OGDH: variants seen among roughly 807,000 people sequenced by gnomAD.
OGDH encodes oxoglutarate dehydrogenase.
A neutral mutation model predicts 116.6 loss-of-function variants in OGDH; 38 were observed. The observed-to-expected ratio is 0.33, with a 90% CI of 0.25 to 0.43. The LOEUF is 0.43. Ranked by LOEUF, OGDH falls within the 20% of genes least tolerant of loss-of-function variation. OGDH has a pLI of 1.00. For missense variants in OGDH, 825 were observed against 1,357.2 expected, an observed-to-expected ratio of 0.61 and a Z score of 6.16; for synonymous variants, 488 against 533.3, an observed-to-expected ratio of 0.92 and a Z score of 1.17.
At chr7:44,651,172 G>T (rs1786425087) in intron 4 of OGDH, among the ~76,000 whole-genome samples, 1 of 152,240 alleles carries the variant, frequency 6.6e-6, no homozygotes, top group Admixed American at 6.5e-5. Flanking sequence ...CACCTGGGTG[G>T]TTGGCCAGTT....
chr7:44,633,315 A>T (rs942233468), intron 2 of OGDH, among the ~76,000 whole-genome samples: 1 of 151,798 alleles, frequency 6.6e-6, no homozygotes, highest in Non-Finnish European at 1.5e-5. Flanking sequence ...AAAAGGAGCA[A>T]ATTGTTCCAG....
At position 44,708,493 on chromosome 7, in the gene OGDH, C is replaced by T. The variant is rs1281278405; in HGVS notation, c.*494C>T. The T allele has an allele frequency of 6.5e-6, 1 of 154,058 alleles. No individual in the cohort carries two copies. Among genetic ancestry groups the T allele is most frequent in the Non-Finnish European group, 1.4e-5 (1 of 69,444 alleles). 9.5% of individuals were successfully genotyped at this position (154,058 alleles called of 1,614,324 possible). ...GCTGGCAGAGGTTTCTAGGGTGGGC[C>T]CCAGCCGTGGCGTGAACTGAGGATG... is the stretch of plus-strand genomic sequence containing the variant. On this transcript the variant is annotated 3_prime_UTR_variant, in exon 23 of 23. Transcript: ENST00000222673.
At chr7:44,696,701 G>T in intron 14 of OGDH, 144 bp downstream of exon 14, 1 of 1,275,234 alleles carries the variant, frequency 7.8e-7, no homozygotes, top group East Asian at 2.5e-5. Flanking sequence ...TGGGGTGGTT[G>T]GATGGAGCCA....
In OGDH at chr7:44,673,949, T is replaced by TCTGGCCCTGGGC; in HGVS notation, c.788+10_788+21dup. The stretch of plus-strand genomic sequence containing the variant: ...GCTTGTGCGGTCCACCAGGTATGGG[T>TCTGGCCCTGGGC]CTGGCCCTGGGCCATGGGGCAGACA... On this transcript the variant is annotated intron_variant, in intron 6 of 22. Coordinates refer to ENST00000222673, the MANE Select transcript of OGDH (RefSeq NM_002541.4). 2 of 1,614,114 alleles carry TCTGGCCCTGGGC rather than the reference T, an allele frequency of 1.2e-6. No homozygotes were observed. The highest frequency in any genetic ancestry group is 8.5e-7 in the Non-Finnish European group (1 of 1,179,994).
At position 44,694,722 on chromosome 7, in the gene OGDH, T is replaced by C. The variant is rs1449224409; in HGVS notation, c.1668+146T>C. The C allele has an allele frequency of 1.1e-6, 1 of 917,926 alleles. No individual in the cohort carries two copies. The highest frequency in any genetic ancestry group is 1.7e-5 in the South Asian group (1 of 58,432). The allele number at this position is 917,926 out of a possible 1,614,324, so 56.9% of individuals were successfully genotyped here. On this transcript the variant is annotated intron_variant, in intron 12 of 22. Coordinates refer to ENST00000222673, the MANE Select transcript of OGDH (RefSeq NM_002541.4). This position sits in a 1 kb window ranked among gnomAD's most constrained non-coding sequence, Gnocchi z 4.2. ...AATATTTACAACTACAGCATTTCAA[T>C]GCATAACTTTTTGGAGAATCTGGGC...
rs571492446 is a variant in OGDH, at chr7:44,611,332, G to A, written c.-28+4679G>A. Among the ~76,000 whole-genome samples the A allele has an allele frequency of 2.0e-5, 3 of 152,102 alleles. No individual in the cohort carries two copies. In the East Asian group the frequency reaches 5.8e-4, roughly 29 times the overall value. ...CTGGAGTGCTGGAGTGCAGTGGCAC[G>A]ATCTCAGCTCACTGCAACCTCCGCC... On this transcript the variant is annotated intron_variant, in intron 1 of 22. Transcript: ENST00000222673.
intron 10 of OGDH, among the ~76,000 whole-genome samples, chr7:44,686,436 A>C (rs55989906): frequency 0.092 from 14,016 of 152,154 alleles, 1,313 homozygotes; most frequent in East Asian, 0.36. Context: ...GAAGTACATT[A>C]ATTTTCAAAT....
intron 2 of OGDH, among the ~76,000 whole-genome samples, chr7:44,634,873 G>T (rs373958632): frequency 2.0e-4 from 30 of 152,352 alleles, no homozygotes; most frequent in African/African-American, 7.2e-4. Context: ...CCAACAGCAT[G>T]AATCATTTGC....
At chr7:44,685,362 C>T (rs1040732785) in intron 10 of OGDH, among the ~76,000 whole-genome samples, 1 of 152,176 alleles carries the variant, frequency 6.6e-6, no homozygotes, top group African/African-American at 2.4e-5. Context: ...TAAATGGAAT[C>T]ATAGTATTTG....
At chr7:44,680,566 AC>A in intron 9 of OGDH, among the ~76,000 whole-genome samples, 1 of 152,204 alleles carries the variant, frequency 6.6e-6, no homozygotes, top group African/African-American at 2.4e-5. Context: ...ACACACACAC[AC>A]ACACACAGAA....
At chr7:44,618,471 C>T (rs1456297720) in intron 1 of OGDH, among the ~76,000 whole-genome samples, 1 of 152,168 alleles carries the variant, frequency 6.6e-6, no homozygotes, top group East Asian at 1.9e-4. Flanking sequence ...ATAGATTTGC[C>T]TATTCTGGAA....
rs374147941 is a variant in OGDH at position 44,704,859 on chromosome 7, C to T, written c.2633-2366C>T. On this transcript the variant is annotated intron_variant, in intron 20 of 22. Coordinates refer to ENST00000222673, the MANE Select transcript of OGDH (RefSeq NM_002541.4). ...CCAAGTAGCTGGGATTACAGGCGCACGCCACCATGCCTAGCTAATTTTTGT... is the reference window on the plus strand; with the variant it reads ...CCAAGTAGCTGGGATTACAGGCGCATGCCACCATGCCTAGCTAATTTTTGT... Among the ~76,000 whole-genome samples the T allele has an allele frequency of 1.6e-4, 24 of 151,096 alleles. No homozygotes were observed. In the East Asian group the frequency reaches 3.9e-3, roughly 25 times the overall value.
At chr7:44,618,092 T>C (rs931965157) in intron 1 of OGDH, among the ~76,000 whole-genome samples, 10 of 152,252 alleles carry the variant, frequency 6.6e-5, no homozygotes, top group Non-Finnish European at 1.2e-4. Context: ...CTTTGGTTTT[T>C]ACTTTTTTTC....
intron 4 of OGDH, among the ~76,000 whole-genome samples, chr7:44,666,162 G>C (rs1200961157): frequency 1.3e-5 from 2 of 152,162 alleles, no homozygotes; most frequent in Admixed American, 1.3e-4. Context: ...GCACGCTGCT[G>C]TGCTGCCCTG....
intron 10 of OGDH, among the ~76,000 whole-genome samples, chr7:44,684,307 T>C (rs541519918): frequency 1.3e-5 from 2 of 152,204 alleles, no homozygotes; most frequent in Admixed American, 1.3e-4. Flanking sequence ...TTTGTTATAG[T>C]TTAGAATTGA....
chr7:44,688,118 C>A (rs1268391020), intron 10 of OGDH, among the ~76,000 whole-genome samples: 1 of 152,020 alleles, frequency 6.6e-6, no homozygotes, highest in East Asian at 1.9e-4. Flanking sequence ...CACCTGTAAT[C>A]CCAGCACTTT....
intron 4 of OGDH, among the ~76,000 whole-genome samples, chr7:44,649,011 G>T (rs1235314794): frequency 6.6e-6 from 1 of 151,818 alleles, no homozygotes; most frequent in Admixed American, 6.6e-5. Context: ...CTCCCTGCTG[G>T]CACCCCCAGT....
Position 44,659,046 on chromosome 7 carries a change from T to C in OGDH, c.518-7690T>C, listed in dbSNP as rs565423355. ...GAGGTGGGGGTTTCACCATGTTGGCTAGGCTGGTCTAGAACTCCCGACCTC... is the reference window on the plus strand; with the variant it reads ...GAGGTGGGGGTTTCACCATGTTGGCCAGGCTGGTCTAGAACTCCCGACCTC... On this transcript the variant is annotated intron_variant, in intron 4 of 22. Transcript: ENST00000222673. 3.9e-5 allele frequency among the ~76,000 whole-genome samples: 6 copies of C among 152,122 alleles called. No homozygotes were observed. In the East Asian group the frequency reaches 1.2e-3, roughly 29 times the overall value.
At chr7:44,628,082 A>C (rs1490768288) in intron 2 of OGDH, among the ~76,000 whole-genome samples, 1 of 152,244 alleles carries the variant, frequency 6.6e-6, no homozygotes, top group Non-Finnish European at 1.5e-5. Context: ...ACGCAGCTTC[A>C]ACAGCTGTCT....
Sources: gnomAD v4.1 joint callset for allele counts (sites outside exome capture counted in the v4.1 genomes callset) on GRCh38, gnomAD v4.1.1 for gene constraint, Gnocchi (gnomAD v3.1) non-coding constraint, MANE v1.5 for transcripts, NCBI Gene and HGNC (gene_info 2026-07-23, HGNC 2026-07-21) for gene names.